The following GRIK2 variants were observed in gnomAD, a reference collection of about 807,000 sequenced individuals.
GRIK2 encodes glutamate receptor ionotropic, kainate 2.
GRIK2 carries 32 observed loss-of-function variants against 100.3 expected under a neutral mutation model. The observed-to-expected ratio is 0.32, with a 90% CI of 0.24 to 0.43. GRIK2 has a LOEUF of 0.43. Among genes scored for constraint, GRIK2 ranks in the 20% least tolerant of loss-of-function variants. The probability of loss-of-function intolerance (pLI) is 1.00; values close to 1 mark genes in which losing one functional copy is unlikely to be tolerated. For synonymous variants in GRIK2, 417 were observed against 389.4 expected (o/e 1.07, Z -0.83); for missense variants, 843 against 1,114.9 (o/e 0.76, Z 3.47).
At chr6:101,783,461 T>A (rs536167078) in intron 7 of GRIK2, among the ~76,000 whole-genome samples, 2 of 152,326 alleles carry the variant, frequency 1.3e-5, no homozygotes, top group South Asian at 4.1e-4. Context: ...TTACCCAGTC[T>A]CAGGTAGTGT....
At chr6:101,881,539 G>C (rs1050455582) in intron 11 of GRIK2, among the ~76,000 whole-genome samples, 1 of 151,946 alleles carries the variant, frequency 6.6e-6, no homozygotes, top group Admixed American at 6.6e-5. Context: ...TTAAATAAAA[G>C]TTTAGTCTTT....
At position 102,068,854 on chromosome 6, in the gene GRIK2, T is replaced by A. The variant is rs1562153191; in HGVS notation, c.*343T>A. On this transcript the variant is annotated 3_prime_UTR_variant, in exon 17 of 17. Coordinates refer to ENST00000369134, the MANE Select transcript of GRIK2 (RefSeq NM_021956.5). The stretch of plus-strand genomic sequence containing the variant: ...GCTCAACTGTTGCCAGGAGATGGAA[T>A]ATCAATGCCCAACAGGGCAACCAAT... 1 of 186,520 alleles carries A rather than the reference T, an allele frequency of 5.4e-6. No homozygotes were observed. Among genetic ancestry groups the A allele is most frequent in the Admixed American group, 5.8e-5 (1 of 17,388 alleles). 11.6% of individuals were successfully genotyped at this position (186,520 alleles called of 1,614,324 possible).
intron 12 of GRIK2, among the ~76,000 whole-genome samples, chr6:101,922,803 T>C (rs536618059): frequency 6.6e-6 from 1 of 152,366 alleles, no homozygotes; most frequent in African/African-American, 2.4e-5. Flanking sequence ...ATGTTTTAGA[T>C]AGTTAATTTA....
intron 7 of GRIK2, among the ~76,000 whole-genome samples, chr6:101,789,688 G>A (rs1304423295): frequency 6.6e-6 from 1 of 152,130 alleles, no homozygotes; most frequent in East Asian, 1.9e-4. Flanking sequence ...TGGCGATGCG[G>A]GCTCTTTTTT....
At position 101,693,980 on chromosome 6, in the gene GRIK2, C is replaced by A. The variant is rs114657734; in HGVS notation, c.951+7627C>A. Among the ~76,000 whole-genome samples, 3 of 152,044 alleles carry A rather than the reference C, an allele frequency of 2.0e-5. No individual in the cohort carries two copies. In the South Asian group the frequency reaches 6.2e-4, roughly 32 times the overall value. ...AGTCTAGCTAGACAGAAATTTGTGA[C>A]GTTCAGGAAGGAGGGCCCCTCAAGG... On this transcript the variant is annotated intron_variant, in intron 7 of 16. Transcript: ENST00000369134.
chr6:101,695,627 A>T (rs1370322222), intron 7 of GRIK2, among the ~76,000 whole-genome samples: 1 of 152,108 alleles, frequency 6.6e-6, no homozygotes, highest in Admixed American at 6.6e-5. Context: ...TTTATAATAC[A>T]TGGACTTGGT....
At chr6:101,793,256 T>TTTG (rs1415876446) in intron 7 of GRIK2, among the ~76,000 whole-genome samples, 1 of 152,242 alleles carries the variant, frequency 6.6e-6, no homozygotes, top group Non-Finnish European at 1.5e-5. Flanking sequence ...GGTGAGGAAC[T>TTTG]GCGTTCCTTT....
chr6:101,758,857 A>T (rs1777303845), intron 7 of GRIK2, among the ~76,000 whole-genome samples: 1 of 150,850 alleles, frequency 6.6e-6, no homozygotes, highest in South Asian at 2.1e-4. Context: ...TTTTGGAGAC[A>T]AAATAAATAA....
At chr6:101,541,374 AACCACACACAC>A (rs1775977643) in intron 2 of GRIK2, among the ~76,000 whole-genome samples, 2 of 2,118 alleles carry the variant, frequency 9.4e-4, no homozygotes, top group Admixed American at 6.2e-3. Flanking sequence ...CAGCGCACAC[AACCACACACAC>A]ACACACACAC....
In GRIK2 at chr6:101,626,650, AG is replaced by A. The variant is rs1359249881; in HGVS notation, c.541+14del. 6.2e-7 allele frequency: 1 copy of A among 1,610,224 alleles called. No individual in the cohort carries two copies. Among genetic ancestry groups the A allele is most frequent in the Non-Finnish European group, 8.5e-7 (1 of 1,177,128 alleles). ...GATGACAGCACTGGTAAGAAAAATC[AG>A]TATCTTTTGGAGCTATGCTTTAAAT... On this transcript the variant is annotated intron_variant, in intron 4 of 16. Transcript: ENST00000369134.
At chr6:101,671,488 T>C (rs1405107466) in intron 4 of GRIK2, among the ~76,000 whole-genome samples, 1 of 152,148 alleles carries the variant, frequency 6.6e-6, no homozygotes, top group Non-Finnish European at 1.5e-5. Flanking sequence ...CACATCTGCT[T>C]CCTCATTCAA....
intron 9 of GRIK2, among the ~76,000 whole-genome samples, chr6:101,804,284 T>C (rs140931262): frequency 1.3e-5 from 2 of 152,058 alleles, no homozygotes; most frequent in African/African-American, 4.8e-5. Context: ...CACATACACA[T>C]ACAAATAAAG....
intron 14 of GRIK2, among the ~76,000 whole-genome samples, chr6:101,970,064 A>G (rs1486916356): frequency 1.3e-5 from 2 of 152,024 alleles, no homozygotes; most frequent in African/African-American, 2.4e-5. Flanking sequence ...GCCTATTTTT[A>G]TATCTACAGC....
intron 4 of GRIK2, among the ~76,000 whole-genome samples, chr6:101,673,498 C>G (rs145308582): frequency 6.6e-6 from 1 of 152,272 alleles, no homozygotes; most frequent in East Asian, 1.9e-4. Flanking sequence ...GAAGCAGCCC[C>G]GTGCTTGCAT....
intron 11 of GRIK2, among the ~76,000 whole-genome samples, chr6:101,887,956 C>G (rs1052373827): frequency 9.2e-5 from 14 of 152,152 alleles, no homozygotes; most frequent in African/African-American, 3.4e-4. Flanking sequence ...TTTCTGTTAA[C>G]AAAGTTGTTC....
chr6:101,591,216 A>G (rs922808934), intron 2 of GRIK2, among the ~76,000 whole-genome samples: 1 of 151,506 alleles, frequency 6.6e-6, no homozygotes, highest in Non-Finnish European at 1.5e-5. Context: ...ATTTTTCCGC[A>G]TAAGTCTACA....
intron 7 of GRIK2, among the ~76,000 whole-genome samples, chr6:101,759,230 A>T (rs929179485): frequency 3.3e-5 from 5 of 152,220 alleles, no homozygotes; most frequent in Non-Finnish European, 5.9e-5. Flanking sequence ...TAAATTATGT[A>T]AAGAAGTATT....
intron 2 of GRIK2, among the ~76,000 whole-genome samples, chr6:101,558,497 T>C (rs1452404073): frequency 6.6e-6 from 1 of 152,082 alleles, no homozygotes; most frequent in East Asian, 1.9e-4. Context: ...CCTTGTACTA[T>C]ACAAGGGAAC....
chr6:102,053,279 T>C lies in GRIK2; in HGVS notation c.2312-2051T>C, dbSNP rs149214596. Among the ~76,000 whole-genome samples, 192 of 152,296 alleles carry C rather than the reference T, an allele frequency of 1.3e-3. 1 individual carries two copies. Among genetic ancestry groups the C allele is most frequent in the African/African-American group, 4.3e-3 (178 of 41,582 alleles). The stretch of plus-strand genomic sequence containing the variant: ...AATGGAGATACTCTTCCCCATTAAG[T>C]AAGCATTTATTTTGCAGGGAAAATA... On this transcript the variant is annotated intron_variant, in intron 15 of 16. Transcript: ENST00000369134.
Sources: gnomAD v4.1 joint callset for allele counts (sites outside exome capture counted in the v4.1 genomes callset) on GRCh38, gnomAD v4.1.1 for gene constraint, MANE v1.5 for transcripts, NCBI Gene and HGNC (gene_info 2026-07-23, HGNC 2026-07-21) for gene names.